Variants in ACO1 observed in about 807,000 individuals in gnomAD.
ACO1 encodes cytoplasmic aconitate hydratase.
A neutral mutation model predicts 105.1 loss-of-function variants in ACO1; 78 were observed. The ratio of observed to expected loss-of-function variants is 0.74; its 90% CI spans 0.62 to 0.90. The LOEUF is 0.90. Ranked by LOEUF, ACO1 falls within the 40% of genes least tolerant of loss-of-function variation. The pLI, the probability that ACO1 is intolerant of heterozygous loss-of-function variation, is 0.00. For synonymous variants in ACO1, 364 were observed against 397.4 expected (o/e 0.92, Z 1.00); for missense variants, 965 against 1,111.1 (o/e 0.87, Z 1.87).
chr9:32,399,529 G>A (rs374168280), intron 1 of ACO1, among the ~76,000 whole-genome samples: 12 of 152,248 alleles, frequency 7.9e-5, no homozygotes, highest in Non-Finnish European at 1.3e-4. Flanking sequence ...CCTTTCACTC[G>A]GCTCTTTTCT....
Position 32,429,514 on chromosome 9 carries a change from A to T in ACO1, c.1569+11A>T, listed in dbSNP as rs760182414. 6.2e-7 allele frequency: 1 copy of T among 1,603,728 alleles called. No individual in the cohort carries two copies. The highest frequency in any genetic ancestry group is 8.5e-7 in the Non-Finnish European group (1 of 1,171,972). On this transcript the variant is annotated intron_variant, in intron 13 of 20. Transcript: ENST00000309951. ...GAAGCCATCACACAGGTAATTGCAG[A>T]GGTCCCTGCAGGTCTTCAGAGCAGT...
chr9:32,453,465 A>T lies in ACO1; in HGVS notation c.*3354A>T, dbSNP rs570556451. The T allele has an allele frequency of 1.5e-4, 22 of 148,782 alleles. 1 individual carries two copies. The highest frequency in any genetic ancestry group is 5.2e-4 in the African/African-American group (21 of 40,368). The allele number at this position is 148,782 out of a possible 1,614,324, so 9.2% of individuals were successfully genotyped here. On this transcript the variant is annotated 3_prime_UTR_variant, in exon 21 of 21. Coordinates refer to ENST00000309951, the MANE Select transcript of ACO1 (RefSeq NM_002197.3). ...CTCCCTTCCATTTGCCCCTCCAACC[A>T]CCCCCCCATCCCTCCACCAATCATA...
chr9:32,423,911 A>G (rs1241337149), intron 9 of ACO1, among the ~76,000 whole-genome samples: 1 of 152,222 alleles, frequency 6.6e-6, no homozygotes, highest in African/African-American at 2.4e-5. Context: ...TTGAAATATA[A>G]AGAAAAATAA....
rs1181975102 is a variant in ACO1, at chr9:32,440,370, A to G, written c.2248-95A>G. 4.7e-6 allele frequency: 7 copies of G among 1,480,628 alleles called. No individual in the cohort carries two copies. The East Asian group carries it at 1.6e-4, about 34-fold the overall frequency. The allele number at this position is 1,480,628 out of a possible 1,614,324, so 91.7% of individuals were successfully genotyped here. A position where few individuals can be genotyped will look rare whatever the true frequency, so the allele number is the denominator to read the frequency against. ...TGATTGGACGGATTTGGCCATCTGC[A>G]AACCCATCCAGCCCCGCCCTCACCA... On this transcript the variant is annotated intron_variant, in intron 18 of 20. Transcript: ENST00000309951.
At chr9:32,436,457 G>C in intron 18 of ACO1, 60 bp downstream of exon 18, 2 of 1,588,998 alleles carry the variant, frequency 1.3e-6, no homozygotes, top group Non-Finnish European at 1.7e-6. Flanking sequence ...GTGGAGGTTG[G>C]ATATTTACAG....
At chr9:32,426,024 G>C (rs1324020989) in intron 11 of ACO1, 27 bp downstream of exon 11, 2 of 1,607,916 alleles carry the variant, frequency 1.2e-6, no homozygotes, top group Non-Finnish European at 1.7e-6. Context: ...CCATCCTCAT[G>C]GTCATACATG....
chr9:32,453,243 C>G lies in ACO1; in HGVS notation c.*3132C>G, dbSNP rs1257833033. 1 of 151,688 alleles carries G rather than the reference C, an allele frequency of 6.6e-6. No homozygotes were observed. Among genetic ancestry groups the G allele is most frequent in the Non-Finnish European group, 1.5e-5 (1 of 67,986 alleles). The allele number at this position is 151,688 out of a possible 1,614,324, so 9.4% of individuals were successfully genotyped here. ...ATAGCAAATAAGGATGAGGGATGCC[C>G]TTCATGTGTATTTACACACCAGATT... On this transcript the variant is annotated 3_prime_UTR_variant, in exon 21 of 21. Transcript: ENST00000309951.
intron 17 of ACO1, 67 bp from the exon 18 acceptor site, chr9:32,436,183 T>G (rs780255172): frequency 6.3e-7 from 1 of 1,598,232 alleles, no homozygotes; most frequent in East Asian, 2.2e-5. Flanking sequence ...TTTCTTTTCT[T>G]GGTGTAAGCT....
intron 19 of ACO1, among the ~76,000 whole-genome samples, chr9:32,442,507 G>A (rs932162044): frequency 7.2e-5 from 11 of 152,100 alleles, no homozygotes; most frequent in African/African-American, 2.7e-4. Flanking sequence ...CTTTATTGCT[G>A]TATATTGCCA....
At chr9:32,428,549 G>A (rs1822152094) in intron 12 of ACO1, among the ~76,000 whole-genome samples, 1 of 151,612 alleles carries the variant, frequency 6.6e-6, no homozygotes, top group South Asian at 2.1e-4. Flanking sequence ...ACAATAAAAA[G>A]TCAGCATGGC....
chr9:32,405,794 C>T (rs766224823), intron 2 of ACO1, among the ~76,000 whole-genome samples, 191 bp downstream of exon 2: 13 of 152,194 alleles, frequency 8.5e-5, no homozygotes, highest in Non-Finnish European at 1.6e-4. Flanking sequence ...TGATTACATA[C>T]ATTTGACATT....
At chr9:32,406,116 A>G (rs1821603500) in intron 2 of ACO1, among the ~76,000 whole-genome samples, 1 of 152,298 alleles carries the variant, frequency 6.6e-6, no homozygotes, top group East Asian at 1.9e-4. Context: ...TTTTCTTATG[A>G]ATTAATATTG....
At chr9:32,388,658 C>A (rs747071442) in intron 1 of ACO1, among the ~76,000 whole-genome samples, 4 of 152,132 alleles carry the variant, frequency 2.6e-5, no homozygotes, top group Admixed American at 1.3e-4. Context: ...TTACATATTC[C>A]ATTCCATGTA....
At chr9:32,444,927 G>T (rs1410912263) in intron 19 of ACO1, among the ~76,000 whole-genome samples, 1 of 152,108 alleles carries the variant, frequency 6.6e-6, no homozygotes, top group Non-Finnish European at 1.5e-5. Flanking sequence ...TTATTGAATT[G>T]CATATGTTGA....
At chr9:32,416,318 C>G (rs1821848380) in intron 4 of ACO1, among the ~76,000 whole-genome samples, 1 of 152,092 alleles carries the variant, frequency 6.6e-6, no homozygotes, top group African/African-American at 2.4e-5. Context: ...TGGTCTTGAA[C>G]TCCTGACCTC....
chr9:32,398,270 A>T (rs1270414056), intron 1 of ACO1, among the ~76,000 whole-genome samples: 2 of 152,236 alleles, frequency 1.3e-5, no homozygotes, highest in Non-Finnish European at 2.9e-5. Context: ...AGACCCTAAA[A>T]GGTGAATCTT....
At chr9:32,436,905 A>G (rs77802813) in intron 18 of ACO1, among the ~76,000 whole-genome samples, 19,700 of 152,138 alleles carry the variant, frequency 0.13, 1,756 homozygotes, top group South Asian at 0.26. Flanking sequence ...TCCATCTCTG[A>G]GCCTTGCTTT....
intron 9 of ACO1, 125 bp from the exon 10 acceptor site, chr9:32,424,424 T>G: frequency 1.5e-6 from 1 of 663,928 alleles, no homozygotes; most frequent in Admixed American, 2.6e-5. Context: ...TTCCTTGTTT[T>G]GGAATGTGGT....
rs765027109 is a variant in ACO1 at position 32,450,209 on chromosome 9, G to C, written c.*98G>C. 8 of 937,836 alleles carry C rather than the reference G, an allele frequency of 8.5e-6. No individual in the cohort carries two copies. In the African/African-American group the frequency reaches 1.3e-4, roughly 15 times the overall value. 58.1% of individuals were successfully genotyped at this position (937,836 alleles called of 1,614,324 possible). On this transcript the variant is annotated 3_prime_UTR_variant, in exon 21 of 21. Transcript: ENST00000309951. ...CTCCCTGGCTGCCTCTGGGAGGGGT[G>C]CTGCCTTGTAGATGGAGCAAGTGAG...
Sources: allele counts gnomAD v4.1 joint callset (sites outside exome capture counted in the v4.1 genomes callset), GRCh38; gene constraint gnomAD v4.1.1; transcripts MANE v1.5; gene names NCBI Gene and HGNC (gene_info 2026-07-23, HGNC 2026-07-21).